The following ARMH4 variants were observed in gnomAD, a reference collection of about 807,000 sequenced individuals.
ARMH4 encodes the protein armadillo like helical domain containing 4.
A neutral mutation model predicts 61.9 loss-of-function variants in ARMH4; 49 were observed. The ratio of observed to expected loss-of-function variants is 0.79; its 90% confidence interval spans 0.63 to 1.00. The LOEUF is 1.00. ARMH4 is among the 50% of genes least tolerant of loss of function. ARMH4 has a pLI of 0.00. For synonymous variants in ARMH4, 368 were observed against 341.5 expected (o/e 1.08, Z -0.85); for missense variants, 934 against 930.0 (o/e 1.00, Z -0.06).
chr14:58,079,343 G>A (rs755537259), intron 5 of ARMH4, among the ~76,000 whole-genome samples: 6 of 152,208 alleles, frequency 3.9e-5, no homozygotes, highest in Non-Finnish European at 8.8e-5. Flanking sequence ...GATGGCAGAA[G>A]GCAGAAGGGC....
rs1886604621 is a variant in ARMH4 at position 58,118,453 on chromosome 14, G to A, written c.1831+13059C>T. 2.0e-5 allele frequency among the ~76,000 whole-genome samples: 3 copies of A among 147,994 alleles called. No homozygotes were observed. In the South Asian group the frequency reaches 6.6e-4, roughly 33 times the overall value. ...GGGGGTAGGGGCTCACTACTACTTG[G>A]TGGTGAGCCCTAGGAGAAATTCATA... On this transcript the variant is annotated intron_variant, in intron 4 of 7. Transcript: ENST00000267485.
At position 58,132,581 on chromosome 14, in the gene ARMH4, C is replaced by CTTTTTTTTTT. The variant is rs71448942; in HGVS notation, c.1621+499_1621+508dup. On this transcript the variant is annotated intron_variant, in intron 3 of 7. Coordinates refer to ENST00000267485, the MANE Select transcript of ARMH4 (RefSeq NM_001001872.4). ...TTACTTACAAACTAAACCCTTGTCC[C>CTTTTTTTTTT]TTTTTTTTTTTTTTTTTTTTTTTGG... 3.0e-3 allele frequency among the ~76,000 whole-genome samples: 256 copies of CTTTTTTTTTT among 86,062 alleles called. 14 individuals carry two copies. Among genetic ancestry groups the CTTTTTTTTTT allele is most frequent in the Non-Finnish European group, 4.5e-3 (194 of 43,258 alleles). 56.5% of individuals were successfully genotyped at this position (86,062 alleles called of 152,430 possible). A position where few individuals can be genotyped will look rare whatever the true frequency, so the allele number is the denominator to read the frequency against.
At chr14:58,074,757 T>G (rs950549291) in intron 5 of ARMH4, among the ~76,000 whole-genome samples, 2 of 152,152 alleles carry the variant, frequency 1.3e-5, no homozygotes, top group African/African-American at 2.4e-5. Context: ...GTGAAGAGTT[T>G]TGAGCATATG....
rs138105118 is a variant in ARMH4, at chr14:58,062,155, T to C, written c.2089+34569A>G. Reference sequence around the variant, plus strand: ...GGAGTTTGAGACCAGCCTGGCAACATAGTGGCACCCAGTCTCTAGAAAGAT... The same window carrying C: ...GGAGTTTGAGACCAGCCTGGCAACACAGTGGCACCCAGTCTCTAGAAAGAT... On this transcript the variant is annotated intron_variant, in intron 5 of 7. Transcript: ENST00000267485. Among the ~76,000 whole-genome samples the C allele has an allele frequency of 2.6e-3, 400 of 152,076 alleles. 2 individuals carry two copies. Among genetic ancestry groups the C allele is most frequent in the African/African-American group, 9.4e-3 (390 of 41,484 alleles).
chr14:58,130,909 G>A (rs1426475249), intron 4 of ARMH4, among the ~76,000 whole-genome samples: 1 of 152,166 alleles, frequency 6.6e-6, no homozygotes, highest in Middle Eastern at 3.2e-3. Context: ...CTTGAATACT[G>A]AAATCATCTA....
intron 5 of ARMH4, among the ~76,000 whole-genome samples, chr14:58,029,109 C>T (rs1883122929): frequency 6.6e-6 from 1 of 152,194 alleles, no homozygotes; most frequent in Non-Finnish European, 1.5e-5. Flanking sequence ...ATTCCCCTCA[C>T]TCCCCAGCCC....
intron 5 of ARMH4, among the ~76,000 whole-genome samples, chr14:58,045,713 A>C (rs1006888685): frequency 2.0e-5 from 3 of 152,094 alleles, no homozygotes; most frequent in Non-Finnish European, 4.4e-5. Flanking sequence ...ACCCAATTGG[A>C]ATTAGGGTGG....
intron 5 of ARMH4, among the ~76,000 whole-genome samples, chr14:58,054,755 G>A (rs1013631231): frequency 6.6e-6 from 1 of 151,704 alleles, no homozygotes; most frequent in Non-Finnish European, 1.5e-5. Context: ...AAAAATAGCT[G>A]GGCTTGATGG....
At position 58,133,322 on chromosome 14, in the gene ARMH4, C is replaced by G; in HGVS notation, c.1389G>C (p.Met463Ile). ...NTMKDIITQEMTTAVQEPDAT... is the reference protein window; with the variant it reads ...NTMKDIITQEITTAVQEPDAT... Reference sequence around the variant, plus strand: ...CATCTGGCTCTTGAACAGCTGTTGTCATCTCTTGAGTGATGATGTCTTAAA... The same window carrying G: ...CATCTGGCTCTTGAACAGCTGTTGTGATCTCTTGAGTGATGATGTCTTAAA... Residue 463 changes from methionine to isoleucine, a missense_variant, in exon 3 of 8, where the codon ATG becomes ATC. Transcript: ENST00000267485. 1 of 1,613,272 alleles carries G rather than the reference C, an allele frequency of 6.2e-7. No individual in the cohort carries two copies. The highest frequency in any genetic ancestry group is 8.5e-7 in the Non-Finnish European group (1 of 1,179,944).
intron 6 of ARMH4, among the ~76,000 whole-genome samples, chr14:58,011,636 T>C (rs1428348366): frequency 6.6e-6 from 1 of 152,086 alleles, no homozygotes; most frequent in Non-Finnish European, 1.5e-5. Flanking sequence ...AATCACTATG[T>C]AGATGGCAGA....
intron 5 of ARMH4, among the ~76,000 whole-genome samples, chr14:58,054,556 T>C (rs1209907371): frequency 1.3e-5 from 2 of 152,190 alleles, no homozygotes; most frequent in African/African-American, 4.8e-5. Flanking sequence ...TTGTATGTGA[T>C]GGTTTATGCA....
chr14:58,110,206 T>C (rs1346637383), intron 4 of ARMH4, among the ~76,000 whole-genome samples: 1 of 152,186 alleles, frequency 6.6e-6, no homozygotes, highest in Non-Finnish European at 1.5e-5. Context: ...AGCTTTTGGG[T>C]TTTATTTTTT....
At chr14:58,078,917 G>A (rs564297959) in intron 5 of ARMH4, among the ~76,000 whole-genome samples, 2 of 152,356 alleles carry the variant, frequency 1.3e-5, no homozygotes, top group African/African-American at 4.8e-5. Context: ...TGGCCAATGT[G>A]AGATGAAGGC....
chr14:58,031,816 T>C (rs1302184698), intron 5 of ARMH4, among the ~76,000 whole-genome samples: 1 of 152,210 alleles, frequency 6.6e-6, no homozygotes, highest in Non-Finnish European at 1.5e-5. Context: ...TCCTATCATA[T>C]ACTTCCAAGC....
At chr14:58,140,834 C>T (rs781283310) in intron 1 of ARMH4, among the ~76,000 whole-genome samples, 2 of 152,040 alleles carry the variant, frequency 1.3e-5, no homozygotes, top group Non-Finnish European at 2.9e-5. Context: ...ACCCGGGAGG[C>T]GGAGGTTGCA....
intron 4 of ARMH4, among the ~76,000 whole-genome samples, chr14:58,111,430 TAAG>T (rs1344754341): frequency 6.6e-6 from 1 of 152,186 alleles, no homozygotes; most frequent in Non-Finnish European, 1.5e-5. Flanking sequence ...TTCAGCAAAC[TAAG>T]AAGGGACAAC....
chr14:58,133,098 G>A lies in ARMH4; in HGVS notation c.1613C>T (p.Thr538Ile). 1.9e-6 allele frequency: 3 copies of A among 1,614,196 alleles called. No homozygotes were observed. The highest frequency in any genetic ancestry group is 1.1e-5 in the South Asian group (1 of 91,088). ...VVPLSFEVTP[T>I]VEEQMDTVTG... ...TATCCTCCCTTACAGACCTTCCACA[G>A]TGGGAGTAACTTCAAAAGACAAAGG... The change falls in exon 3 of 8, where the codon ACT becomes ATT. Residue 538 changes from threonine to isoleucine, a missense_variant. Transcript: ENST00000267485.
At chr14:58,031,263 CAG>C (rs1256382349) in intron 5 of ARMH4, among the ~76,000 whole-genome samples, 13 of 152,286 alleles carry the variant, frequency 8.5e-5, no homozygotes, top group Admixed American at 2.6e-4. Flanking sequence ...CTGATTATCC[CAG>C]AGACTCATTT....
chr14:58,094,631 A>T (rs893027755), intron 5 of ARMH4, among the ~76,000 whole-genome samples: 2 of 152,260 alleles, frequency 1.3e-5, no homozygotes, highest in African/African-American at 4.8e-5. Flanking sequence ...CTACTGATAC[A>T]TACAACATAG....
Sources: allele counts gnomAD v4.1 joint callset (sites outside exome capture counted in the v4.1 genomes callset), GRCh38; gene constraint gnomAD v4.1.1; transcripts MANE v1.5; gene names NCBI Gene and HGNC (gene_info 2026-07-23, HGNC 2026-07-21).